Variants in NOP9 observed in about 807,000 individuals in gnomAD.
NOP9 encodes nucleolar protein 9.
A neutral mutation model predicts 63.0 loss-of-function variants in NOP9; 50 were observed. That is an observed-to-expected ratio of 0.79 (90% CI 0.63 to 1.00). The LOEUF is 1.00. NOP9 is among the 50% of genes least tolerant of loss of function. The probability of loss-of-function intolerance (pLI) is 0.00; values close to 1 mark genes in which losing one functional copy is unlikely to be tolerated. For missense variants in NOP9, 758 were observed against 803.0 expected (o/e 0.94, Z 0.68); for synonymous variants, 343 against 332.8 (o/e 1.03, Z -0.33).
At chr14:24,294,104 T>TA in the NOP9 span, 1 of 152,106 alleles carries the variant, frequency 6.6e-6, no homozygotes, top group South Asian at 2.1e-4. Flanking sequence ...TATTTAAATA[T>TA]AAAAAACGAA....
chr14:24,306,522 G>T lies in NOP9; in HGVS notation c.*1427G>T, dbSNP rs1459313856. ...TCCATTCAGCAGTAGGGTCTCCAAT[G>T]CCTGCCCAATGGCAAGAAGCAAGAA... On this transcript the variant is annotated 3_prime_UTR_variant, in exon 10 of 10. Coordinates refer to ENST00000267425, the MANE Select transcript of NOP9 (RefSeq NM_174913.3). 7 of 1,614,224 alleles carry T rather than the reference G, an allele frequency of 4.3e-6. No homozygotes were observed. Among genetic ancestry groups the T allele is most frequent in the Middle Eastern group, 1.6e-4 (1 of 6,062 alleles).
chr14:24,288,636 CCG>C, the NOP9 span, among the ~76,000 whole-genome samples: 1 of 152,170 alleles, frequency 6.6e-6, no homozygotes, highest in Non-Finnish European at 1.5e-5. Flanking sequence ...GCGTGAGCCA[CCG>C]CGCCCGACCA....
At chr14:24,304,301 G>T (rs1172070056) in intron 8 of NOP9, 24 bp downstream of exon 8, 1 of 1,579,712 alleles carries the variant, frequency 6.3e-7, no homozygotes, top group Non-Finnish European at 8.7e-7. Flanking sequence ...CTTTTGCCTT[G>T]ATTCCCCACC....
chr14:24,302,983 A>G, intron 5 of NOP9, 91 bp from the exon 6 acceptor site: 3 of 1,413,342 alleles, frequency 2.1e-6, no homozygotes, highest in Admixed American at 5.2e-5. Context: ...TTTATCTAGC[A>G]TTTTTAGTTG....
At position 24,304,579 on chromosome 14, in the gene NOP9, G is replaced by A. The variant is rs145680020; in HGVS notation, c.1734G>A (p.Lys578=). 1 of 1,611,496 alleles carries A rather than the reference G, an allele frequency of 6.2e-7. No individual in the cohort carries two copies. Among genetic ancestry groups the A allele is most frequent in the Non-Finnish European group, 8.5e-7 (1 of 1,179,110 alleles). Residue 578 remains lysine (K), a synonymous_variant, in exon 9 of 10, where the codon AAG becomes AAA. Transcript: ENST00000267425. ...IWSGAALRAR[K]EIAAELGEQN... ...GTGGAGCAGCCTTGAGGGCCCGGAAGGAAATTGCTGCTGAGCTTGGTGAGT... is the reference window on the plus strand; with the variant it reads ...GTGGAGCAGCCTTGAGGGCCCGGAAAGAAATTGCTGCTGAGCTTGGTGAGT...
the NOP9 span, among the ~76,000 whole-genome samples, chr14:24,284,008 T>C: frequency 6.6e-6 from 1 of 152,054 alleles, no homozygotes; most frequent in African/African-American, 2.4e-5. Context: ...CATGGGCATG[T>C]GTGTTGGGGG....
At chr14:24,297,931 C>G (rs1047578328), upstream of NOP9, among the ~76,000 whole-genome samples, 4 of 152,312 alleles carry the variant, frequency 2.6e-5, no homozygotes, top group African/African-American at 9.6e-5. Context: ...TGGATGCTCC[C>G]CAACACCCCT....
At chr14:24,271,285 G>C in the NOP9 span, 1 of 836,990 alleles carries the variant, frequency 1.2e-6, no homozygotes, top group South Asian at 2.4e-5. Context: ...GAGGTCCTGG[G>C]ACAGGCTTTG....
At chr14:24,296,668 G>A, upstream of NOP9, 1 of 1,613,558 alleles carries the variant, frequency 6.2e-7, no homozygotes, top group Non-Finnish European at 8.5e-7. Flanking sequence ...GACAATGAGT[G>A]GGGATGAAGA....
chr14:24,281,897 G>A, the NOP9 span, among the ~76,000 whole-genome samples: 1 of 152,160 alleles, frequency 6.6e-6, no homozygotes, highest in Non-Finnish European at 1.5e-5. Flanking sequence ...ACCCAAAGTA[G>A]AAGGCCTCCA....
chr14:24,291,382 G>T, the NOP9 span: 1 of 1,025,354 alleles, frequency 9.8e-7, no homozygotes, highest in Non-Finnish European at 1.5e-6. Context: ...CCAGGAGCCT[G>T]CTCCTAAGGC....
Position 24,306,433 on chromosome 14 carries a change from G to GA in NOP9, c.*1338_*1339insA. On this transcript the variant is annotated 3_prime_UTR_variant, in exon 10 of 10. Transcript: ENST00000267425. Reference sequence around the variant, plus strand: ...ACCATCAGGCACGTGTCATCCTCCAGCAGCTGGAAGAAGTCCTCACTGTCC... The same window carrying GA: ...ACCATCAGGCACGTGTCATCCTCCAGACAGCTGGAAGAAGTCCTCACTGTCC... 6.2e-6 allele frequency: 10 copies of GA among 1,614,244 alleles called. No individual in the cohort carries two copies. The highest frequency in any genetic ancestry group is 8.5e-6 in the Non-Finnish European group (10 of 1,180,052).
rs369739999 is a variant in NOP9 at position 24,300,117 on chromosome 14, C to G, written c.163C>G (p.Pro55Ala). Reference protein sequence around the residue: ...GRSEPAPDSHPHLSPEALGYF... With the variant: ...GRSEPAPDSHAHLSPEALGYF... Reference sequence around the variant, plus strand: ...CTCGGAGCCGGCTCCAGATTCGCACCCGCACCTGAGCCCGGAAGCTCTGGG... The same window carrying G: ...CTCGGAGCCGGCTCCAGATTCGCACGCGCACCTGAGCCCGGAAGCTCTGGG... Residue 55 changes from proline (P) to alanine (A), a missense_variant, in exon 1 of 10, where the codon CCG (proline) becomes GCG (alanine). Coordinates refer to ENST00000267425, the MANE Select transcript of NOP9 (RefSeq NM_174913.3). 5.6e-6 allele frequency: 9 copies of G among 1,613,518 alleles called. No individual in the cohort carries two copies. The highest frequency in any genetic ancestry group is 1.1e-5 in the South Asian group (1 of 91,092).
At chr14:24,285,276 C>T in the NOP9 span, among the ~76,000 whole-genome samples, 2 of 152,226 alleles carry the variant, frequency 1.3e-5, no homozygotes, top group African/African-American at 4.8e-5. Context: ...GGCATTCACA[C>T]TGCTTCTCTG....
chr14:24,271,649 C>G, the NOP9 span: 1 of 152,830 alleles, frequency 6.5e-6, no homozygotes, highest in Non-Finnish European at 1.5e-5. Context: ...GGCGCGTGCG[C>G]GGGGGCTCTG....
upstream of NOP9, chr14:24,299,498 C>T: frequency 4.7e-6 from 1 of 213,426 alleles, no homozygotes; most frequent in Non-Finnish European, 9.3e-6. Flanking sequence ...TCCGGCTGAG[C>T]CAGAGGCGCA....
At chr14:24,283,379 A>C in the NOP9 span, among the ~76,000 whole-genome samples, 3 of 152,098 alleles carry the variant, frequency 2.0e-5, no homozygotes, top group South Asian at 2.1e-4. Flanking sequence ...ACTTGAGGCC[A>C]GGAGTTCAAG....
At chr14:24,304,645 T>C in intron 9 of NOP9, 47 bp downstream of exon 9, 1 of 1,387,320 alleles carries the variant, frequency 7.2e-7, no homozygotes, top group Non-Finnish European at 9.9e-7. Flanking sequence ...CTCCCCTCTC[T>C]TACTCCAGAT....
chr14:24,280,854 TGAG>T, the NOP9 span, among the ~76,000 whole-genome samples: 1 of 151,716 alleles, frequency 6.6e-6, no homozygotes. Flanking sequence ...GGGTGGGAGA[TGAG>T]GAGGAGGAGT....
Sources: gnomAD v4.1 joint callset for allele counts (sites outside exome capture counted in the v4.1 genomes callset) on GRCh38, gnomAD v4.1.1 for gene constraint, MANE v1.5 for transcripts, NCBI Gene and HGNC (gene_info 2026-07-23, HGNC 2026-07-21) for gene names.